TULP4: variants seen among roughly 807,000 people sequenced by gnomAD.
TULP4 encodes the protein tubby-related protein 4.
A neutral mutation model predicts 129.0 loss-of-function variants in TULP4; 16 were observed. That is an observed-to-expected ratio of 0.12 (90% CI 0.08 to 0.19). The LOEUF is 0.19. Ranked by LOEUF, TULP4 falls within the 10% of genes least tolerant of loss-of-function variation. The pLI is 1.00. For synonymous variants in TULP4, 998 were observed against 854.0 expected, an observed-to-expected ratio of 1.17 and a Z score of -2.94; for missense variants, 1,842 against 2,059.1, an observed-to-expected ratio of 0.89 and a Z score of 2.04.
In TULP4 at chr6:158,501,706, C is replaced by G; in HGVS notation, c.2043C>G (p.Asn681Lys). Residue 681 changes from asparagine to lysine, a missense_variant, in exon 13 of 14, where the codon AAC becomes AAG. Physicochemically the swap from Asn to Lys is moderately conservative, Grantham distance 94 (BLOSUM62 0). Around this residue, in one of 5 missense-constraint regions of TULP4, gnomAD observed 99 missense variants for 165.1 expected, o/e 0.60. Transcript: ENST00000367097. ...PVTGASGVPE[N>K]SPPCTVNIPI... Reference sequence around the variant, plus strand: ...CAGGAGCATCTGGTGTCCCTGAGAACAGCCCACCTTGTACCGTGAACATCC... The same window carrying G: ...CAGGAGCATCTGGTGTCCCTGAGAAGAGCCCACCTTGTACCGTGAACATCC... 1.2e-6 allele frequency: 2 copies of G among 1,610,242 alleles called. No homozygotes were observed. The highest frequency in any genetic ancestry group is 8.5e-7 in the Non-Finnish European group (1 of 1,176,944).
chr6:158,375,360 T>C (rs1223020397), intron 1 of TULP4, among the ~76,000 whole-genome samples: 1 of 152,264 alleles, frequency 6.6e-6, no homozygotes, highest in Admixed American at 6.5e-5. Context: ...GTTGAGTTTC[T>C]CCTGCATATT....
At position 158,510,044 on chromosome 6, in the gene TULP4, T is replaced by C. The variant is rs1780703488; in HGVS notation, c.*3350T>C. Reference sequence around the variant, plus strand: ...TAACTGTATAAAGAATCTATGACTTTTTGAGGGAAGTGTGATATATTAACA... The same window carrying C: ...TAACTGTATAAAGAATCTATGACTTCTTGAGGGAAGTGTGATATATTAACA... On this transcript the variant is annotated 3_prime_UTR_variant, in exon 14 of 14. Coordinates refer to ENST00000367097, the MANE Select transcript of TULP4 (RefSeq NM_020245.5). The C allele has an allele frequency of 6.6e-6, 1 of 152,586 alleles. No homozygotes were observed. The highest frequency in any genetic ancestry group is 2.1e-4 in the South Asian group (1 of 4,828). 9.5% of individuals were successfully genotyped at this position (152,586 alleles called of 1,614,324 possible). A position where few individuals can be genotyped will look rare whatever the true frequency, so the allele number is the denominator to read the frequency against.
At chr6:158,481,397 T>TG in intron 8 of TULP4, 108 bp downstream of exon 8, 1 of 995,504 alleles carries the variant, frequency 1.0e-6, no homozygotes, top group Non-Finnish European at 1.6e-6. Context: ...CGTGAGCCTG[T>TG]GGGGGCTAGT....
intron 6 of TULP4, among the ~76,000 whole-genome samples, chr6:158,462,661 C>G (rs1364969065): frequency 6.6e-6 from 1 of 152,000 alleles, no homozygotes; most frequent in Non-Finnish European, 1.5e-5. Context: ...GCATGAGCCA[C>G]CATGCCCAGC....
chr6:158,238,093 T>G, intron 1 of TULP4: 1 of 718,910 alleles, frequency 1.4e-6, no homozygotes, highest in East Asian at 2.6e-5. Context: ...TGGCTACACA[T>G]GGTCACTAAT....
At chr6:158,464,200 T>C (rs1779504808) in intron 6 of TULP4, among the ~76,000 whole-genome samples, 1 of 152,196 alleles carries the variant, frequency 6.6e-6, no homozygotes, top group Admixed American at 6.5e-5. Flanking sequence ...CCTTAGGTAG[T>C]CAGGTCACAG....
At chr6:158,296,746 C>T (rs933937616) in intron 1 of TULP4, among the ~76,000 whole-genome samples, 4 of 152,182 alleles carry the variant, frequency 2.6e-5, no homozygotes, top group African/African-American at 9.7e-5. Context: ...GATGACATCA[C>T]ATATTGGTAG....
chr6:158,367,964 C>T (rs1776963647), intron 1 of TULP4, among the ~76,000 whole-genome samples: 2 of 148,160 alleles, frequency 1.3e-5, no homozygotes, highest in South Asian at 4.3e-4. Flanking sequence ...GTGGGATGTG[C>T]CTGTAGTCCC....
At chr6:158,246,087 T>A (rs757639867) in intron 1 of TULP4, among the ~76,000 whole-genome samples, 1 of 151,606 alleles carries the variant, frequency 6.6e-6, no homozygotes, top group Non-Finnish European at 1.5e-5. Flanking sequence ...GAGATTTCTA[T>A]AAAGACCATA....
In TULP4 at chr6:158,237,276, A is replaced by G. The variant is rs1041109600; in HGVS notation, n.68+4973A>G. On this transcript the variant is annotated intron_variant and non_coding_transcript_variant, in intron 1 of 1. Coordinates refer to the TULP4 transcript ENST00000620026. ...CTGTGCTTCTTGCTGTATTACCTTT[A>G]TTATATTCCTAATGTTACCGAGACT... 3 of 1,219,328 alleles carry G rather than the reference A, an allele frequency of 2.5e-6. No individual in the cohort carries two copies. In the African/African-American group the frequency reaches 4.5e-5, roughly 18 times the overall value. The allele number at this position is 1,219,328 out of a possible 1,614,324, so 75.5% of individuals were successfully genotyped here.
chr6:158,318,776 A>G (rs541835494), intron 1 of TULP4, among the ~76,000 whole-genome samples: 114 of 152,146 alleles, frequency 7.5e-4, no homozygotes, highest in African/African-American at 2.6e-3. Flanking sequence ...CCCAGGCTAG[A>G]ATGCAGTGGC....
intron 1 of TULP4, chr6:158,242,590 A>G: frequency 1.4e-6 from 1 of 720,568 alleles, no homozygotes; most frequent in Non-Finnish European, 2.6e-6. Context: ...AAGGAGAGAG[A>G]GTTATTGGCT....
intron 1 of TULP4, among the ~76,000 whole-genome samples, chr6:158,239,504 A>G (rs1583664609): frequency 1.8e-5 from 1 of 57,052 alleles, no homozygotes; most frequent in Non-Finnish European, 3.8e-5. Flanking sequence ...CTGGCCGGGC[A>G]GAGGGGCTCC....
intron 1 of TULP4, among the ~76,000 whole-genome samples, chr6:158,362,653 G>C (rs996132299): frequency 6.6e-6 from 1 of 152,162 alleles, no homozygotes; most frequent in African/African-American, 2.4e-5. Context: ...CCCGGCCAGA[G>C]GGATTTTCAT....
In TULP4 at chr6:158,313,795, T is replaced by C; in HGVS notation, c.-222T>C. 1.8e-6 allele frequency: 1 copy of C among 545,954 alleles called. No individual in the cohort carries two copies. The highest frequency in any genetic ancestry group is 1.9e-5 in the African/African-American group (1 of 52,886). 33.8% of individuals were successfully genotyped at this position (545,954 alleles called of 1,614,324 possible). A position where few individuals can be genotyped will look rare whatever the true frequency, so the allele number is the denominator to read the frequency against. ...TGTTTTTTTAAGCATTACCTTTTCT[T>C]AGAAGACTGCCATCATCTTTTATAG... On this transcript the variant is annotated 5_prime_UTR_variant, in exon 1 of 14. Coordinates refer to ENST00000367097, the MANE Select transcript of TULP4 (RefSeq NM_020245.5).
chr6:158,395,536 G>A (rs925430190), intron 1 of TULP4, among the ~76,000 whole-genome samples: 1 of 150,818 alleles, frequency 6.6e-6, no homozygotes, highest in Non-Finnish European at 1.5e-5. Flanking sequence ...AGCTGAGAGC[G>A]TGCCATTTCA....
chr6:158,468,652 T>A (rs1256342554), intron 6 of TULP4, among the ~76,000 whole-genome samples: 1 of 152,260 alleles, frequency 6.6e-6, no homozygotes, highest in African/African-American at 2.4e-5. Flanking sequence ...GAAAAGTGTC[T>A]TAGGACCAAA....
chr6:158,316,485 CAG>C (rs1218261624), intron 1 of TULP4, among the ~76,000 whole-genome samples: 2 of 152,128 alleles, frequency 1.3e-5, no homozygotes, highest in Non-Finnish European at 2.9e-5. Flanking sequence ...CCATTAAAAA[CAG>C]TGGTTTTATG....
intron 2 of TULP4, 72 bp from the exon 3 acceptor site, chr6:158,429,664 T>C (rs1778584994): frequency 4.7e-6 from 7 of 1,489,004 alleles, no homozygotes; most frequent in Non-Finnish European, 5.4e-6. Flanking sequence ...AGTTAATGAC[T>C]ATGTCTAGAC....
Sources: allele counts gnomAD v4.1 joint callset (sites outside exome capture counted in the v4.1 genomes callset), GRCh38; gene constraint gnomAD v4.1.1; regional missense constraint gnomAD v4.1.1; transcripts MANE v1.5; gene names NCBI Gene and HGNC (gene_info 2026-07-23, HGNC 2026-07-21).